SLITRK3: variants seen among roughly 807,000 people sequenced by gnomAD.
SLITRK3 encodes the protein SLIT and NTRK-like protein 3.
SLITRK3 carries 16 observed loss-of-function variants against 63.6 expected under a neutral mutation model. The ratio of observed to expected loss-of-function variants is 0.25; its 90% confidence interval spans 0.17 to 0.38. The LOEUF (loss-of-function observed/expected upper bound fraction) is 0.38, where lower values mean the gene tolerates loss of function less well. Among genes scored for constraint, SLITRK3 ranks in the 10% least tolerant of loss-of-function variants. The pLI is 1.00. For synonymous variants in SLITRK3, 547 were observed against 451.6 expected, an observed-to-expected ratio of 1.21 and a Z score of -2.68; for missense variants, 1,117 against 1,181.4, an observed-to-expected ratio of 0.95 and a Z score of 0.80.
chr3:165,194,390 T>A, intron 1 of SLITRK3, among the ~76,000 whole-genome samples: 1 of 152,180 alleles, frequency 6.6e-6, no homozygotes, highest in Non-Finnish European at 1.5e-5. Flanking sequence ...ATTTTGCATT[T>A]AAAATGACCG....
At position 165,189,233 on chromosome 3, in the gene SLITRK3, T is replaced by C. The variant is rs754203694; in HGVS notation, c.1598A>G (p.Asn533Ser). 6.2e-7 allele frequency: 1 copy of C among 1,614,176 alleles called. No individual in the cohort carries two copies. Among genetic ancestry groups the C allele is most frequent in the Non-Finnish European group, 8.5e-7 (1 of 1,180,034 alleles). The change falls in exon 2 of 2, where the codon AAC (asparagine) becomes AGC (serine). Residue 533 changes from asparagine (N) to serine (S), a missense_variant. Coordinates refer to ENST00000475390, the MANE Select transcript of SLITRK3 (RefSeq NM_001318810.2). The surrounding 1 kb of genome is among the most constrained non-coding windows in gnomAD (Gnocchi z 4.0). ...ATAGAGGAAGTAGTTCTTCCTCAGG[T>C]TGAGCCGGGCCAGGGATGTGCCAGC... ...AFAGTSLARL[N>S]LRKNYFLYLP...
chr3:165,188,495 C>T lies in SLITRK3; in HGVS notation c.2336G>A (p.Gly779Asp). ...AQEAGSAERG[G>D]PGTQPPGMGE... Reference sequence around the variant, plus strand: ...CATTCCCGGTGGTTGTGTCCCTGGACCCCCACGTTCTGCACTCCCTGCTTC... The same window carrying T: ...CATTCCCGGTGGTTGTGTCCCTGGATCCCCACGTTCTGCACTCCCTGCTTC... Residue 779 changes from glycine (G) to aspartate (D), a missense_variant, in exon 2 of 2, where the codon GGT (glycine) becomes GAT (aspartate). Gly to Asp is a moderately conservative substitution (Grantham distance 94). Around this residue, in one of 4 missense-constraint regions of SLITRK3, gnomAD observed 499 missense variants for 463.6 expected, o/e 1.08. Transcript: ENST00000475390. 2 of 1,613,902 alleles carry T rather than the reference C, an allele frequency of 1.2e-6. No homozygotes were observed. The highest frequency in any genetic ancestry group is 1.1e-5 in the South Asian group (1 of 91,050).
chr3:165,195,063 A>T (rs918890786), intron 1 of SLITRK3, among the ~76,000 whole-genome samples: 1 of 151,886 alleles, frequency 6.6e-6, no homozygotes, highest in Non-Finnish European at 1.5e-5. Context: ...CAGCTCACTA[A>T]TTTTTTCAGA....
chr3:165,196,575 G>C (rs2108213215), upstream of SLITRK3: 1 of 153,054 alleles, frequency 6.5e-6, no homozygotes, highest in South Asian at 1.8e-4. Context: ...ACTAAAATCG[G>C]ATTACACGTT....
At position 165,187,797 on chromosome 3, in the gene SLITRK3, G is replaced by A; in HGVS notation, c.*100C>T. The A allele has an allele frequency of 1.0e-6, 1 of 954,344 alleles. No homozygotes were observed. Among genetic ancestry groups the A allele is most frequent in the African/African-American group, 1.7e-5 (1 of 60,332 alleles). The allele number at this position is 954,344 out of a possible 1,614,324, so 59.1% of individuals were successfully genotyped here. On this transcript the variant is annotated 3_prime_UTR_variant, in exon 2 of 2. Coordinates refer to ENST00000475390, the MANE Select transcript of SLITRK3 (RefSeq NM_001318810.2). ...TCAGGGTAGGAAAGATCGTGAGGAT[G>A]GAGTTACTGGGACAAGTGTAAAGGG...
chr3:165,193,841 T>C (rs1378033863), intron 1 of SLITRK3, among the ~76,000 whole-genome samples: 1 of 152,094 alleles, frequency 6.6e-6, no homozygotes, highest in African/African-American at 2.4e-5. Context: ...TAAACTCAAA[T>C]ATTTCTCCGT....
At position 165,189,394 on chromosome 3, in the gene SLITRK3, T is replaced by C. The variant is rs374752433; in HGVS notation, c.1437A>G (p.Leu479=). The part of the protein sequence containing the change: ...EKLTPGMFRG[L]QSLHYLYFEF... Reference sequence around the variant, plus strand: ...CAAAGTACAAGTAGTGCAAACTCTGTAGGCCTCGGAACATGCCTGGTGTCA... The same window carrying C: ...CAAAGTACAAGTAGTGCAAACTCTGCAGGCCTCGGAACATGCCTGGTGTCA... The change falls in exon 2 of 2, where the codon CTA becomes CTG. Residue 479 remains leucine, a synonymous_variant. Transcript: ENST00000475390. The surrounding 1 kb of genome is among the most constrained non-coding windows in gnomAD (Gnocchi z 4.0). 2.1e-5 allele frequency: 34 copies of C among 1,613,768 alleles called. No homozygotes were observed. The highest frequency in any genetic ancestry group is 2.9e-5 in the Non-Finnish European group (34 of 1,180,044).
In SLITRK3 at chr3:165,188,429, G is replaced by T; in HGVS notation, c.2402C>A (p.Pro801His). The change falls in exon 2 of 2, where the codon CCC becomes CAC. Residue 801 changes from proline (P) to histidine (H), a missense_variant. Coordinates refer to ENST00000475390, the MANE Select transcript of SLITRK3 (RefSeq NM_001318810.2). ...CCGGTAGTTACTATGGTTCTCCTTG[G>T]GTGTCTCAGCAAACTGCTCACTTCC... ...LLGSEQFAET[P>H]KENHSNYRTL... The T allele has an allele frequency of 6.2e-7, 1 of 1,613,638 alleles. No homozygotes were observed. The highest frequency in any genetic ancestry group is 2.2e-5 in the East Asian group (1 of 44,830).
At position 165,187,624 on chromosome 3, in the gene SLITRK3, A is replaced by T. The variant is rs1402535972; in HGVS notation, c.*273T>A. On this transcript the variant is annotated 3_prime_UTR_variant, in exon 2 of 2. Coordinates refer to ENST00000475390, the MANE Select transcript of SLITRK3 (RefSeq NM_001318810.2). The stretch of plus-strand genomic sequence containing the variant: ...CAGTCAAAGTCTCAAGTTTCAGTAT[A>T]AAAAAATAATGATAACATTTGCTGG... The T allele has an allele frequency of 9.4e-6, 3 of 320,702 alleles. No homozygotes were observed. Among genetic ancestry groups the T allele is most frequent in the Non-Finnish European group, 1.7e-5 (3 of 175,574 alleles). The allele number at this position is 320,702 out of a possible 1,614,324, so 19.9% of individuals were successfully genotyped here. A position where few individuals can be genotyped will look rare whatever the true frequency, so the allele number is the denominator to read the frequency against.
At chr3:165,196,986 CTCGCT>C (rs565403480), upstream of SLITRK3, 124 of 152,220 alleles carry the variant, frequency 8.1e-4, no homozygotes, top group Non-Finnish European at 1.4e-3. Flanking sequence ...CTCTCTCTCT[CTCGCT>C]TTCGCTGTCC....
Position 165,188,500 on chromosome 3 carries a change from A to G in SLITRK3, c.2331T>C (p.Arg777=), listed in dbSNP as rs1718051648. Residue 777 remains arginine, a synonymous_variant, in exon 2 of 2, where the codon CGT becomes CGC. Coordinates refer to ENST00000475390, the MANE Select transcript of SLITRK3 (RefSeq NM_001318810.2). The part of the protein sequence containing the change: ...SSAQEAGSAE[R]GGPGTQPPGM... ...CCGGTGGTTGTGTCCCTGGACCCCC[A>G]CGTTCTGCACTCCCTGCTTCTTGGG... The G allele has an allele frequency of 1.2e-6, 2 of 1,613,744 alleles. No individual in the cohort carries two copies. The highest frequency in any genetic ancestry group is 1.7e-6 in the Non-Finnish European group (2 of 1,179,934).
In SLITRK3 at chr3:165,196,177, G is replaced by A. The variant is rs1035327956; in HGVS notation, c.-619C>T. On this transcript the variant is annotated 5_prime_UTR_variant, in exon 1 of 2. Coordinates refer to ENST00000475390, the MANE Select transcript of SLITRK3 (RefSeq NM_001318810.2). ...GTGTAGATGAGAGAAGAAAAGGGTG[G>A]GGAGAGGCGGAAAGGAGGCAGGAAG... Among the ~76,000 whole-genome samples the A allele has an allele frequency of 6.6e-6, 1 of 151,228 alleles. No homozygotes were observed. The highest frequency in any genetic ancestry group is 1.5e-5 in the Non-Finnish European group (1 of 67,836).
In SLITRK3 at chr3:165,187,909, T is replaced by C; in HGVS notation, c.2922A>G (p.Thr974=). ...PDYLEVLEKT[T]YRF ...TTTCTTCTCTCTGTTAGAACCTGTA[T>C]GTTGTCTTCTCCAGGACTTCGAGGT... Residue 974 remains threonine, a synonymous_variant, in exon 2 of 2, where the codon ACA becomes ACG. Transcript: ENST00000475390. 6.2e-7 allele frequency: 1 copy of C among 1,611,698 alleles called. No homozygotes were observed. The highest frequency in any genetic ancestry group is 8.5e-7 in the Non-Finnish European group (1 of 1,179,054).
chr3:165,187,782 A>T lies in SLITRK3; in HGVS notation c.*115T>A. The T allele has an allele frequency of 4.7e-6, 4 of 844,950 alleles. No individual in the cohort carries two copies. Among genetic ancestry groups the T allele is most frequent in the South Asian group, 1.8e-5 (1 of 55,510 alleles). The allele number at this position is 844,950 out of a possible 1,614,324, so 52.3% of individuals were successfully genotyped here. On this transcript the variant is annotated 3_prime_UTR_variant, in exon 2 of 2. Coordinates refer to ENST00000475390, the MANE Select transcript of SLITRK3 (RefSeq NM_001318810.2). ...CGGTTTTAGTTTTGTTCAGGGTAGG[A>T]AAGATCGTGAGGATGGAGTTACTGG...
At chr3:165,196,881 C>CTCTCTCTCTG (rs1718444347), upstream of SLITRK3, 5 of 133,964 alleles carry the variant, frequency 3.7e-5, no homozygotes, top group African/African-American at 1.0e-4. Context: ...TGATCTCTCT[C>CTCTCTCTCTG]TCTCTCTCTC....
chr3:165,187,909 T>A lies in SLITRK3; in HGVS notation c.2922A>T (p.Thr974=). ...PDYLEVLEKT[T]YRF is the part of the protein sequence containing the mutation. The stretch of plus-strand genomic sequence containing the variant: ...TTTCTTCTCTCTGTTAGAACCTGTA[T>A]GTTGTCTTCTCCAGGACTTCGAGGT... Residue 974 remains threonine (T), a synonymous_variant, in exon 2 of 2, where the codon ACA becomes ACT. Coordinates refer to ENST00000475390, the MANE Select transcript of SLITRK3 (RefSeq NM_001318810.2). 6.2e-7 allele frequency: 1 copy of A among 1,611,698 alleles called. No individual in the cohort carries two copies. The highest frequency in any genetic ancestry group is 8.5e-7 in the Non-Finnish European group (1 of 1,179,054).
At position 165,190,172 on chromosome 3, in the gene SLITRK3, A is replaced by G. The variant is rs1017388120; in HGVS notation, c.659T>C (p.Ile220Thr). The change falls in exon 2 of 2, where the codon ATT becomes ACT. Residue 220 changes from isoleucine (I) to threonine (T), a missense_variant. Ile to Thr is a moderately conservative substitution (Grantham distance 89). Around this residue, in one of 4 missense-constraint regions of SLITRK3, gnomAD observed 452 missense variants for 495.3 expected, o/e 0.91. Coordinates refer to ENST00000475390, the MANE Select transcript of SLITRK3 (RefSeq NM_001318810.2). ...CTGGAGCTCCATCAGGCTTCTGCCA[A>G]TGTGATCTAGCATTCCTCGGTAAAA... ...VLFYRGMLDH[I>T]GRSLMELQLE... is the part of the protein sequence containing the mutation. 2 of 1,614,086 alleles carry G rather than the reference A, an allele frequency of 1.2e-6. No individual in the cohort carries two copies. Among genetic ancestry groups the G allele is most frequent in the African/African-American group, 2.7e-5 (2 of 74,922 alleles).
Position 165,189,422 on chromosome 3 carries a change from T to G in SLITRK3, c.1409A>C (p.Lys470Thr). The change falls in exon 2 of 2, where the codon AAG becomes ACG. Residue 470 changes from lysine to threonine, a missense_variant. Around this residue, in one of 4 missense-constraint regions of SLITRK3, gnomAD observed 158 missense variants for 197.2 expected, o/e 0.80. Transcript: ENST00000475390. The surrounding 1 kb of genome is among the most constrained non-coding windows in gnomAD (Gnocchi z 4.0). ...GCCTCGGAACATGCCTGGTGTCAGC[T>G]TCTCTATATCGTTGCCATTAAGGAA... ...SLFLNGNDIE[K>T]LTPGMFRGLQ... 6.2e-7 allele frequency: 1 copy of G among 1,613,386 alleles called. No individual in the cohort carries two copies. Among genetic ancestry groups the G allele is most frequent in the Non-Finnish European group, 8.5e-7 (1 of 1,180,036 alleles).
chr3:165,191,166 C>A (rs1029053861), intron 1 of SLITRK3, among the ~76,000 whole-genome samples: 1 of 152,196 alleles, frequency 6.6e-6, no homozygotes, highest in African/African-American at 2.4e-5. Context: ...ATCGTACTTC[C>A]TTTTAGGCAT....
Sources: gnomAD v4.1 joint callset for allele counts (sites outside exome capture counted in the v4.1 genomes callset) on GRCh38, gnomAD v4.1.1 for gene constraint, gnomAD v4.1.1 regional missense constraint, Gnocchi (gnomAD v3.1) non-coding constraint, MANE v1.5 for transcripts, NCBI Gene and HGNC (gene_info 2026-07-23, HGNC 2026-07-21) for gene names.